GALNT18: variants seen among roughly 807,000 people sequenced by gnomAD.
The protein encoded by GALNT18 is polypeptide N-acetylgalactosaminyltransferase 18.
Under a neutral mutation model 69.5 loss-of-function variants are expected in GALNT18, and 44 were observed. That is an observed-to-expected ratio of 0.63 (90% CI 0.50 to 0.81). The LOEUF is 0.81. Among genes scored for constraint, GALNT18 ranks in the 40% least tolerant of loss-of-function variants. GALNT18 has a pLI of 0.00. For synonymous variants in GALNT18, 364 were observed against 318.2 expected (o/e 1.14, Z -1.53); for missense variants, 715 against 810.0 (o/e 0.88, Z 1.42).
chr11:11,310,124 T>A lies in GALNT18; in HGVS notation c.1513-16931A>T, dbSNP rs114255083. Among the ~76,000 whole-genome samples, 664 of 152,290 alleles carry A rather than the reference T, an allele frequency of 4.4e-3. 5 individuals are homozygous for A. Among genetic ancestry groups the A allele is most frequent in the African/African-American group, 0.015 (631 of 41,558 alleles). On this transcript the variant is annotated intron_variant, in intron 9 of 10. Transcript: ENST00000227756. ...TGCTGACTCCACTTCCTCATTTGCT[T>A]CCTCAGATAGAGGTTTTCTCACTGC... is the stretch of plus-strand genomic sequence containing the variant.
intron 1 of GALNT18, among the ~76,000 whole-genome samples, chr11:11,513,074 C>T (rs753377471): frequency 6.6e-6 from 1 of 152,154 alleles, no homozygotes; most frequent in African/African-American, 2.4e-5. Context: ...CCTTCTGGAC[C>T]ACAGAAATAC....
intron 1 of GALNT18, among the ~76,000 whole-genome samples, chr11:11,589,586 GTT>G (rs79427005): frequency 4.7e-5 from 7 of 148,932 alleles, no homozygotes; most frequent in Admixed American, 1.3e-4. Context: ...AGTTTTAGGG[GTT>G]TTTTTTTTTA....
chr11:11,406,209 T>C (rs964143773), intron 3 of GALNT18, among the ~76,000 whole-genome samples: 7 of 152,250 alleles, frequency 4.6e-5, no homozygotes, highest in African/African-American at 1.7e-4. Flanking sequence ...GCACCTACTA[T>C]GGGCTAAGCA....
At position 11,316,191 on chromosome 11, in the gene GALNT18, C is replaced by T. The variant is rs1849749709; in HGVS notation, c.1512+10895G>A. On this transcript the variant is annotated intron_variant, in intron 9 of 10. Coordinates refer to ENST00000227756, the MANE Select transcript of GALNT18 (RefSeq NM_198516.3). ...ACCTGAGCAATGAAACCACACGCCA[C>T]GGAGTCATGGAGGGCACAAGAAATC... 2.6e-5 allele frequency among the ~76,000 whole-genome samples: 4 copies of T among 152,154 alleles called. No individual in the cohort carries two copies. In the South Asian group the frequency reaches 8.3e-4, roughly 32 times the overall value.
At chr11:11,585,188 A>C (rs1859182951) in intron 1 of GALNT18, among the ~76,000 whole-genome samples, 1 of 152,220 alleles carries the variant, frequency 6.6e-6, no homozygotes, top group Non-Finnish European at 1.5e-5. Context: ...TTTTGATGTA[A>C]CAGAATATAA....
intron 1 of GALNT18, among the ~76,000 whole-genome samples, chr11:11,503,976 T>C (rs1456099029): frequency 6.6e-6 from 1 of 152,220 alleles, no homozygotes; most frequent in Non-Finnish European, 1.5e-5. Context: ...GTTCATTTAG[T>C]CTGTTTTACC....
chr11:11,500,225 G>C lies in GALNT18; in HGVS notation c.236-51289C>G, dbSNP rs979793944. Among the ~76,000 whole-genome samples, 18 of 152,320 alleles carry C rather than the reference G, an allele frequency of 1.2e-4. No homozygotes were observed. Among genetic ancestry groups the C allele is most frequent in the Middle Eastern group, 3.4e-3 (1 of 294 alleles). ...AGTCACAGCACAGGGTTCTAGAAAAGTATAGATCCAGACAGGTAGCGTTCA... is the reference window on the plus strand; with the variant it reads ...AGTCACAGCACAGGGTTCTAGAAAACTATAGATCCAGACAGGTAGCGTTCA... On this transcript the variant is annotated intron_variant, in intron 1 of 10. Coordinates refer to ENST00000227756, the MANE Select transcript of GALNT18 (RefSeq NM_198516.3). This position sits in a 1 kb window ranked among gnomAD's most constrained non-coding sequence, Gnocchi z 5.0.
chr11:11,526,350 T>C (rs562520204), intron 1 of GALNT18, among the ~76,000 whole-genome samples: 2 of 152,200 alleles, frequency 1.3e-5, no homozygotes, highest in Non-Finnish European at 2.9e-5. Flanking sequence ...AATAAATTCA[T>C]AGACTCTTAC....
At position 11,523,332 on chromosome 11, in the gene GALNT18, A is replaced by T. The variant is rs148667926; in HGVS notation, c.236-74396T>A. Among the ~76,000 whole-genome samples, 204 of 152,260 alleles carry T rather than the reference A, an allele frequency of 1.3e-3. No individual in the cohort carries two copies. Among genetic ancestry groups the T allele is most frequent in the African/African-American group, 4.7e-3 (195 of 41,558 alleles). ...CACTCTCACAGGTGAGGACAATGTC[A>T]CAGGTGAGGAAATGGAGGCTCATGG... On this transcript the variant is annotated intron_variant, in intron 1 of 10. Coordinates refer to ENST00000227756, the MANE Select transcript of GALNT18 (RefSeq NM_198516.3). The surrounding 1 kb of genome is among the most constrained non-coding windows in gnomAD (Gnocchi z 4.3).
At chr11:11,271,949 G>A (rs1317536096) in intron 10 of GALNT18, among the ~76,000 whole-genome samples, 1 of 152,178 alleles carries the variant, frequency 6.6e-6, no homozygotes, top group Non-Finnish European at 1.5e-5. Context: ...TTTTTGTAGT[G>A]AAATCTTTTC....
At chr11:11,374,117 C>T (rs751854881) in intron 5 of GALNT18, among the ~76,000 whole-genome samples, 1 of 152,196 alleles carries the variant, frequency 6.6e-6, no homozygotes, top group Non-Finnish European at 1.5e-5. Flanking sequence ...GCTTCACCCT[C>T]ACAGACCTGC....
intron 6 of GALNT18, among the ~76,000 whole-genome samples, chr11:11,369,796 C>T (rs141255347): frequency 6.3e-4 from 95 of 150,528 alleles, no homozygotes; most frequent in African/African-American, 2.1e-3. Context: ...ATTGTGTTGC[C>T]GACTTACAAA....
intron 9 of GALNT18, among the ~76,000 whole-genome samples, chr11:11,311,181 A>C (rs752610152): frequency 8.5e-5 from 13 of 152,194 alleles, no homozygotes; most frequent in Non-Finnish European, 1.8e-4. Context: ...AAAGTTGGTG[A>C]TACCCTACTA....
At chr11:11,458,074 C>T (rs367857235) in intron 1 of GALNT18, among the ~76,000 whole-genome samples, 25 of 152,282 alleles carry the variant, frequency 1.6e-4, no homozygotes, top group Middle Eastern at 3.4e-3. Context: ...CCTGGTCCTC[C>T]TCCCAGAGTG....
chr11:11,345,461 G>C (rs1225846610), intron 6 of GALNT18, among the ~76,000 whole-genome samples: 1 of 152,184 alleles, frequency 6.6e-6, no homozygotes, highest in Non-Finnish European at 1.5e-5. Flanking sequence ...CAAAGGATAA[G>C]AAAGGAAGTC....
In GALNT18 at chr11:11,618,108, A is replaced by G. The variant is rs1020533113; in HGVS notation, c.235+3251T>C. Among the ~76,000 whole-genome samples the G allele has an allele frequency of 6.6e-6, 1 of 152,260 alleles. No homozygotes were observed. Among genetic ancestry groups the G allele is most frequent in the African/African-American group, 2.4e-5 (1 of 41,472 alleles). ...CTCCCAAGACGAAAATAAACTTTTC[A>G]GTCATGACTAGAACAGACCTCTGGG... On this transcript the variant is annotated intron_variant, in intron 1 of 10. Coordinates refer to ENST00000227756, the MANE Select transcript of GALNT18 (RefSeq NM_198516.3). This position sits in a 1 kb window ranked among gnomAD's most constrained non-coding sequence, Gnocchi z 6.1.
chr11:11,603,773 A>G lies in GALNT18; in HGVS notation c.235+17586T>C, dbSNP rs1295546477. On this transcript the variant is annotated intron_variant, in intron 1 of 10. Coordinates refer to ENST00000227756, the MANE Select transcript of GALNT18 (RefSeq NM_198516.3). The surrounding 1 kb of genome is among the most constrained non-coding windows in gnomAD (Gnocchi z 4.5). ...TCCCAAGAGGGGAAAAGGGGGACAG[A>G]AATTACTGAAATCAGAGTTATTACA... Among the ~76,000 whole-genome samples, 1 of 152,250 alleles carries G rather than the reference A, an allele frequency of 6.6e-6. No individual in the cohort carries two copies. The highest frequency in any genetic ancestry group is 2.4e-5 in the African/African-American group (1 of 41,466).
rs1190746901 is a variant in GALNT18 at position 11,338,305 on chromosome 11, T to C, written c.1278+2514A>G. On this transcript the variant is annotated intron_variant, in intron 7 of 10. Coordinates refer to ENST00000227756, the MANE Select transcript of GALNT18 (RefSeq NM_198516.3). The surrounding 1 kb of genome is among the most constrained non-coding windows in gnomAD (Gnocchi z 5.3). Reference sequence around the variant, plus strand: ...TTTAAGCAGGGCGATGGCATGGTTGTTGTGAGTGTTTTAAAGATAACTTTG... The same window carrying C: ...TTTAAGCAGGGCGATGGCATGGTTGCTGTGAGTGTTTTAAAGATAACTTTG... Among the ~76,000 whole-genome samples, 1 of 151,970 alleles carries C rather than the reference T, an allele frequency of 6.6e-6. No individual in the cohort carries two copies. The highest frequency in any genetic ancestry group is 2.4e-5 in the African/African-American group (1 of 41,412).
intron 1 of GALNT18, among the ~76,000 whole-genome samples, chr11:11,545,470 G>T (rs917854674): frequency 6.6e-6 from 1 of 152,194 alleles, no homozygotes. Context: ...GCAGCCATGT[G>T]GATATATATG....
Sources: gnomAD v4.1 joint callset for allele counts (sites outside exome capture counted in the v4.1 genomes callset) on GRCh38, gnomAD v4.1.1 for gene constraint, Gnocchi (gnomAD v3.1) non-coding constraint, MANE v1.5 for transcripts, NCBI Gene and HGNC (gene_info 2026-07-23, HGNC 2026-07-21) for gene names.